Variants in SH3BGR observed in about 807,000 individuals in gnomAD.
SH3BGR encodes the protein SH3 domain-binding glutamic acid-rich protein.
SH3BGR carries 29 observed loss-of-function variants against 24.5 expected under a neutral mutation model. The ratio of observed to expected loss-of-function variants is 1.18; its 90% CI spans 0.88 to 1.61. SH3BGR has a LOEUF of 1.61. Among genes scored for constraint, SH3BGR ranks in the 40% most tolerant of loss-of-function variants. SH3BGR has a pLI of 0.00. For synonymous variants in SH3BGR, 55 were observed against 65.7 expected (o/e 0.84, Z 0.79); for missense variants, 162 against 205.8 (o/e 0.79, Z 1.30).
At chr21:39,513,610 C>A (rs1488963737) in intron 6 of SH3BGR, among the ~76,000 whole-genome samples, 1 of 151,980 alleles carries the variant, frequency 6.6e-6, no homozygotes, top group African/African-American at 2.4e-5. Flanking sequence ...ATGCTCTGGA[C>A]CCACAGACTT....
At chr21:39,481,326 C>T (rs1472930718) in intron 3 of SH3BGR, among the ~76,000 whole-genome samples, 1 of 152,084 alleles carries the variant, frequency 6.6e-6, no homozygotes, top group East Asian at 1.9e-4. Context: ...AAACAAACTC[C>T]TAGAGGGCTA....
intron 3 of SH3BGR, among the ~76,000 whole-genome samples, chr21:39,481,641 A>G (rs546090734): frequency 6.6e-6 from 1 of 152,354 alleles, no homozygotes; most frequent in Non-Finnish European, 1.5e-5. Flanking sequence ...ACATATATAG[A>G]TAACTATCAC....
chr21:39,508,248 G>T (rs1524929), intron 4 of SH3BGR, among the ~76,000 whole-genome samples: 86,524 of 152,072 alleles, frequency 0.57, 24,942 homozygotes, highest in East Asian at 0.68. Flanking sequence ...TCTCTTTAAT[G>T]AAAGCAATTG....
intron 3 of SH3BGR, among the ~76,000 whole-genome samples, chr21:39,483,727 A>T (rs1469650131): frequency 6.6e-6 from 1 of 152,222 alleles, no homozygotes; most frequent in Non-Finnish European, 1.5e-5. Context: ...TGGGCCAGAC[A>T]CTGGGCTGGT....
chr21:39,480,390 C>T (rs2078111518), intron 3 of SH3BGR, among the ~76,000 whole-genome samples: 2 of 152,198 alleles, frequency 1.3e-5, no homozygotes, highest in Admixed American at 6.5e-5. Context: ...CAAATGCTTT[C>T]GTTCTCTGCA....
chr21:39,470,932 G>A (rs1410416188), intron 2 of SH3BGR, among the ~76,000 whole-genome samples: 2 of 151,996 alleles, frequency 1.3e-5, no homozygotes, highest in Non-Finnish European at 2.9e-5. Context: ...TAGTTTTACT[G>A]AGTCTGGAAT....
chr21:39,492,343 A>G (rs990516573), intron 3 of SH3BGR, among the ~76,000 whole-genome samples: 1 of 152,072 alleles, frequency 6.6e-6, no homozygotes, highest in South Asian at 2.1e-4. Flanking sequence ...TTGGTTTTCC[A>G]TTTCTGAGTT....
chr21:39,496,154 T>C (rs1177397964), intron 3 of SH3BGR, among the ~76,000 whole-genome samples: 1 of 152,182 alleles, frequency 6.6e-6, no homozygotes, highest in East Asian at 1.9e-4. Context: ...ATTGTAATAA[T>C]GTAATAATGT....
rs559718710 is a variant in SH3BGR at position 39,510,232 on chromosome 21, G to A, written c.435+1205G>A. ...GCTGGGATTACAGGCGTGAGCCACCGCGCCCAGCCTTTGTTAACTTTTGAA... is the reference window on the plus strand; with the variant it reads ...GCTGGGATTACAGGCGTGAGCCACCACGCCCAGCCTTTGTTAACTTTTGAA... On this transcript the variant is annotated intron_variant, in intron 5 of 6. Coordinates refer to ENST00000333634, the MANE Select transcript of SH3BGR (RefSeq NM_007341.3). Among the ~76,000 whole-genome samples, 235 of 127,746 alleles carry A rather than the reference G, an allele frequency of 1.8e-3. 13 individuals are homozygous for A. Among genetic ancestry groups the A allele is most frequent in the Non-Finnish European group, 3.3e-3 (200 of 60,896 alleles). The allele number at this position is 127,746 out of a possible 152,430, so 83.8% of individuals were successfully genotyped here. A position where few individuals can be genotyped will look rare whatever the true frequency, so the allele number is the denominator to read the frequency against.
At chr21:39,449,564 A>G (rs1025727810), upstream of SH3BGR, among the ~76,000 whole-genome samples, 1 of 152,220 alleles carries the variant, frequency 6.6e-6, no homozygotes, top group African/African-American at 2.4e-5. Flanking sequence ...TAGTGTAATA[A>G]TACATTAGAA....
intron 4 of SH3BGR, among the ~76,000 whole-genome samples, chr21:39,507,575 T>A (rs558694947): frequency 6.6e-6 from 1 of 152,272 alleles, no homozygotes; most frequent in South Asian, 2.1e-4. Flanking sequence ...TCAGGTGATC[T>A]GCCCGCCTTG....
intron 3 of SH3BGR, among the ~76,000 whole-genome samples, chr21:39,477,826 G>A (rs1324447372): frequency 6.6e-6 from 1 of 152,164 alleles, no homozygotes; most frequent in Non-Finnish European, 1.5e-5. Context: ...AAGTGTCTTT[G>A]TAACTGAATG....
intron 3 of SH3BGR, among the ~76,000 whole-genome samples, chr21:39,485,832 C>T (rs151114346): frequency 0.033 from 5,010 of 152,072 alleles, 87 homozygotes; most frequent in Middle Eastern, 0.071. Flanking sequence ...GGACTACAGG[C>T]GCCCGCCACC....
intron 2 of SH3BGR, among the ~76,000 whole-genome samples, chr21:39,468,651 CTGG>C (rs1228267475): frequency 6.6e-6 from 1 of 152,188 alleles, no homozygotes; most frequent in East Asian, 1.9e-4. Flanking sequence ...GCTGCTGAGG[CTGG>C]TCTTGAATTC....
chr21:39,514,648 C>T (rs1004738427), intron 6 of SH3BGR, among the ~76,000 whole-genome samples: 1 of 152,160 alleles, frequency 6.6e-6, no homozygotes, highest in Admixed American at 6.5e-5. Flanking sequence ...AGGCATGAAC[C>T]ACCACGTCTG....
intron 4 of SH3BGR, among the ~76,000 whole-genome samples, chr21:39,507,034 G>A (rs915505641): frequency 1.3e-5 from 2 of 152,188 alleles, no homozygotes; most frequent in African/African-American, 2.4e-5. Flanking sequence ...TCAACACGTC[G>A]CTGTGAAAGC....
intron 6 of SH3BGR, among the ~76,000 whole-genome samples, chr21:39,514,258 A>G (rs747527521): frequency 5.3e-5 from 8 of 152,226 alleles, no homozygotes; most frequent in Non-Finnish European, 1.2e-4. Context: ...CATGCATTTT[A>G]TTTGAAAAGA....
intron 3 of SH3BGR, chr21:39,491,542 A>G: frequency 3.6e-6 from 1 of 276,948 alleles, no homozygotes; most frequent in South Asian, 4.6e-5. Flanking sequence ...GGCCTCAGCT[A>G]CTTACATGGG....
chr21:39,503,100 G>A (rs1450067426), intron 4 of SH3BGR, among the ~76,000 whole-genome samples: 3 of 151,954 alleles, frequency 2.0e-5, no homozygotes, highest in Admixed American at 6.6e-5. Context: ...CAAATAGGTC[G>A]CCTGTGGGAA....
Sources: allele counts gnomAD v4.1 joint callset (sites outside exome capture counted in the v4.1 genomes callset), GRCh38; gene constraint gnomAD v4.1.1; transcripts MANE v1.5; gene names NCBI Gene and HGNC (gene_info 2026-07-23, HGNC 2026-07-21).